KLHL32: variants seen among roughly 807,000 people sequenced by gnomAD.
KLHL32 encodes the protein kelch like family member 32.
KLHL32 carries 35 observed loss-of-function variants against 64.8 expected under a neutral mutation model. That is an observed-to-expected ratio of 0.54 (90% CI 0.41 to 0.72). The LOEUF is 0.72. KLHL32 is among the 30% of genes least tolerant of loss of function. The pLI, the probability that KLHL32 is intolerant of heterozygous loss-of-function variation, is 0.00. For missense variants in KLHL32, 589 were observed against 768.5 expected (o/e 0.77, Z 2.76); for synonymous variants, 259 against 281.0 (o/e 0.92, Z 0.78).
At chr6:96,985,659 C>T (rs189375104) in intron 3 of KLHL32, among the ~76,000 whole-genome samples, 210 of 152,282 alleles carry the variant, frequency 1.4e-3, no homozygotes, top group African/African-American at 4.9e-3. Flanking sequence ...TCCAGTTGAT[C>T]GAATCAGCTA....
intron 5 of KLHL32, among the ~76,000 whole-genome samples, chr6:97,064,977 C>T (rs1360934649): frequency 6.6e-6 from 1 of 152,176 alleles, no homozygotes; most frequent in Non-Finnish European, 1.5e-5. Flanking sequence ...CATTGAGCAG[C>T]CGATCAACTC....
At chr6:97,014,175 T>C (rs1296454913) in intron 3 of KLHL32, among the ~76,000 whole-genome samples, 1 of 151,828 alleles carries the variant, frequency 6.6e-6, no homozygotes, top group Admixed American at 6.6e-5. Flanking sequence ...GCGCCTGTAG[T>C]CGCAGCTACT....
intron 4 of KLHL32, among the ~76,000 whole-genome samples, chr6:97,053,983 G>A (rs978510879): frequency 3.3e-5 from 5 of 151,722 alleles, no homozygotes; most frequent in Non-Finnish European, 7.4e-5. Context: ...TCATAATAAG[G>A]AATTCTTTTT....
intron 3 of KLHL32, among the ~76,000 whole-genome samples, chr6:97,035,390 A>T (rs1373586215): frequency 6.6e-6 from 1 of 152,030 alleles, no homozygotes; most frequent in Non-Finnish European, 1.5e-5. Context: ...GTGTTACATT[A>T]TTATATATTT....
At chr6:96,962,803 A>G (rs1473723645) in intron 1 of KLHL32, among the ~76,000 whole-genome samples, 1 of 152,226 alleles carries the variant, frequency 6.6e-6, no homozygotes, top group African/African-American at 2.4e-5. Flanking sequence ...AGTCTTGGGA[A>G]AGGTAAGAAA....
intron 5 of KLHL32, among the ~76,000 whole-genome samples, chr6:97,065,888 G>A (rs1789663463): frequency 6.6e-6 from 1 of 152,162 alleles, no homozygotes; most frequent in South Asian, 2.1e-4. Flanking sequence ...ACAGTGTGAG[G>A]AAGGTCAGCC....
At chr6:97,130,435 TA>T (rs1333633756) in intron 8 of KLHL32, among the ~76,000 whole-genome samples, 1 of 152,210 alleles carries the variant, frequency 6.6e-6, no homozygotes, top group Non-Finnish European at 1.5e-5. Flanking sequence ...TTTGCATGAG[TA>T]AATTCTCTGA....
the KLHL32 span, among the ~76,000 whole-genome samples, chr6:96,907,919 A>T: frequency 6.6e-6 from 1 of 152,240 alleles, no homozygotes; most frequent in African/African-American, 2.4e-5. Context: ...ATGACTAGTT[A>T]ATTTTCCATC....
chr6:96,996,783 G>T (rs1778464845), intron 3 of KLHL32, among the ~76,000 whole-genome samples: 2 of 152,064 alleles, frequency 1.3e-5, no homozygotes, highest in Non-Finnish European at 2.9e-5. Context: ...AATGTTTTAT[G>T]TGTATCAAAC....
the KLHL32 span, among the ~76,000 whole-genome samples, chr6:96,916,688 C>T: frequency 1.2e-4 from 19 of 152,288 alleles, no homozygotes; most frequent in African/African-American, 4.6e-4. Flanking sequence ...GTCTTTTCTT[C>T]TGTTAATCTG....
intron 7 of KLHL32, among the ~76,000 whole-genome samples, chr6:97,115,602 A>G (rs1477531803): frequency 6.6e-6 from 1 of 152,204 alleles, no homozygotes; most frequent in African/African-American, 2.4e-5. Context: ...CTTTTTGCTT[A>G]TACAGAAGGA....
chr6:97,070,799 G>C (rs1790593032), intron 5 of KLHL32, among the ~76,000 whole-genome samples: 1 of 152,076 alleles, frequency 6.6e-6, no homozygotes, highest in Admixed American at 6.5e-5. Context: ...CTAGAGTTCA[G>C]AATCAATAAT....
intron 7 of KLHL32, among the ~76,000 whole-genome samples, chr6:97,114,763 G>A (rs925578849): frequency 6.6e-6 from 1 of 152,102 alleles, no homozygotes; most frequent in Non-Finnish European, 1.5e-5. Context: ...CATCACAACT[G>A]TTTTTTTCCT....
chr6:97,064,639 G>A lies in KLHL32; in HGVS notation c.324G>A (p.Glu108=), dbSNP rs772400245. 15 of 1,614,006 alleles carry A rather than the reference G, an allele frequency of 9.3e-6. No individual in the cohort carries two copies. Among genetic ancestry groups the A allele is most frequent in the Non-Finnish European group, 1.0e-5 (12 of 1,179,922 alleles). ...AACAAACAAAACAGATTTTGCTGGAGCCAGGTGTGATCCAGGATGTGCTAG... is the reference window on the plus strand; with the variant it reads ...AACAAACAAAACAGATTTTGCTGGAACCAGGTGTGATCCAGGATGTGCTAG... The part of the protein sequence containing the change: ...EFAYTGQILL[E]PGVIQDVLAA... The change falls in exon 5 of 11, where the codon GAG becomes GAA. Residue 108 remains glutamate (E), a synonymous_variant. Transcript: ENST00000369261.
At chr6:97,030,484 A>G (rs1472274267) in intron 3 of KLHL32, among the ~76,000 whole-genome samples, 1 of 152,220 alleles carries the variant, frequency 6.6e-6, no homozygotes, top group Non-Finnish European at 1.5e-5. Flanking sequence ...GTTTTCAATT[A>G]GAAAGGTTTG....
intron 1 of KLHL32, among the ~76,000 whole-genome samples, chr6:96,959,820 G>T (rs1773688999): frequency 6.6e-6 from 1 of 152,152 alleles, no homozygotes. Flanking sequence ...GTGTCTTATG[G>T]TCCTATTTTT....
intron 4 of KLHL32, among the ~76,000 whole-genome samples, chr6:97,058,370 A>G (rs1158276426): frequency 6.6e-6 from 1 of 152,224 alleles, no homozygotes; most frequent in African/African-American, 2.4e-5. Context: ...TTTTATCCAC[A>G]GACATGGGCC....
intron 6 of KLHL32, among the ~76,000 whole-genome samples, chr6:97,095,846 T>G (rs1236796268): frequency 6.6e-6 from 1 of 152,246 alleles, no homozygotes; most frequent in African/African-American, 2.4e-5. Context: ...CCAGATAGCT[T>G]TCTTTGACAA....
intron 3 of KLHL32, among the ~76,000 whole-genome samples, chr6:97,021,221 A>G (rs1781944261): frequency 1.3e-5 from 2 of 150,804 alleles, no homozygotes; most frequent in Non-Finnish European, 2.9e-5. Context: ...CAGGTTTATT[A>G]CGTGGGTAAA....
Sources: gnomAD v4.1 joint callset for allele counts (sites outside exome capture counted in the v4.1 genomes callset) on GRCh38, gnomAD v4.1.1 for gene constraint, MANE v1.5 for transcripts, NCBI Gene and HGNC (gene_info 2026-07-23, HGNC 2026-07-21) for gene names.